The following ADCY10 variants were observed in gnomAD, a reference collection of about 807,000 sequenced individuals.
ADCY10 encodes the protein adenylate cyclase 10, also known as adenylate cyclase type 10.
ADCY10 carries 156 observed loss-of-function variants against 183.3 expected under a neutral mutation model. The observed-to-expected ratio is 0.85, with a 90% CI of 0.75 to 0.97. The LOEUF is 0.97. ADCY10 is among the 50% of genes least tolerant of loss of function. The pLI, the probability that ADCY10 is intolerant of heterozygous loss-of-function variation, is 0.00. For missense variants in ADCY10, 1,745 were observed against 1,934.3 expected (o/e 0.90, Z 1.84); for synonymous variants, 645 against 670.0 (o/e 0.96, Z 0.58).
At chr1:167,854,230 C>T in intron 18 of ADCY10, 123 bp downstream of exon 18, 1 of 1,212,230 alleles carries the variant, frequency 8.2e-7, no homozygotes. Context: ...ATTCCTGGCT[C>T]CCCAGAACCT....
chr1:167,879,147 C>G (rs1380164452), intron 11 of ADCY10, among the ~76,000 whole-genome samples: 1 of 152,190 alleles, frequency 6.6e-6, no homozygotes, highest in Non-Finnish European at 1.5e-5. Context: ...GCAGACTGTG[C>G]AGGGTTGAAC....
intron 25 of ADCY10, among the ~76,000 whole-genome samples, chr1:167,831,993 A>G (rs956439345): frequency 6.6e-6 from 1 of 152,140 alleles, no homozygotes; most frequent in Non-Finnish European, 1.5e-5. Context: ...TCCAACGTGC[A>G]CAGGAGCTCA....
chr1:167,886,038 A>C (rs1170066668), intron 8 of ADCY10, among the ~76,000 whole-genome samples: 1 of 152,202 alleles, frequency 6.6e-6, no homozygotes, highest in Non-Finnish European at 1.5e-5. Context: ...CTGCTCAACG[A>C]AGTAAAAGAG....
At chr1:167,827,253 C>CG (rs1663363696) in intron 26 of ADCY10, among the ~76,000 whole-genome samples, 1 of 151,698 alleles carries the variant, frequency 6.6e-6, no homozygotes, top group East Asian at 1.9e-4. Flanking sequence ...CTGCAAGCTC[C>CG]ACCTCCTGGG....
chr1:167,868,135 G>T (rs2102124810), intron 14 of ADCY10, among the ~76,000 whole-genome samples: 1 of 152,256 alleles, frequency 6.6e-6, no homozygotes, highest in Middle Eastern at 3.4e-3. Flanking sequence ...AACTAAATGT[G>T]CCAGTACCAG....
Position 167,827,454 on chromosome 1 carries a change from C to T in ADCY10, c.3750+1813G>A, listed in dbSNP as rs116511648. ...GTGCTAGGATTACAGGCATAAGCCACCATGCCCGGCCTGCTGATTTAATGT... is the reference window on the plus strand; with the variant it reads ...GTGCTAGGATTACAGGCATAAGCCATCATGCCCGGCCTGCTGATTTAATGT... On this transcript the variant is annotated intron_variant, in intron 26 of 32. Coordinates refer to ENST00000367851, the MANE Select transcript of ADCY10 (RefSeq NM_018417.6). Among the ~76,000 whole-genome samples the T allele has an allele frequency of 7.4e-3, 1,124 of 151,874 alleles. 10 individuals carry two copies. The highest frequency in any genetic ancestry group is 0.026 in the African/African-American group (1,082 of 41,400).
At chr1:167,906,012 G>A (rs994511069) in intron 1 of ADCY10, among the ~76,000 whole-genome samples, 2 of 152,054 alleles carry the variant, frequency 1.3e-5, no homozygotes, top group Non-Finnish European at 2.9e-5. Flanking sequence ...AAATATAAGA[G>A]GATTTGTTTT....
intron 5 of ADCY10, among the ~76,000 whole-genome samples, chr1:167,900,756 T>C (rs959501437): frequency 6.6e-6 from 1 of 152,182 alleles, no homozygotes; most frequent in Admixed American, 6.5e-5. Flanking sequence ...GGTCTCAAAC[T>C]CCTGACCTCA....
chr1:167,879,975 C>A, intron 11 of ADCY10, 140 bp downstream of exon 11: 1 of 742,910 alleles, frequency 1.3e-6, no homozygotes, highest in East Asian at 2.7e-5. Flanking sequence ...GGCTCCATGG[C>A]TTGGCTCCAT....
In ADCY10 at chr1:167,818,248, A is replaced by G. The variant is rs1258061158; in HGVS notation, c.4306T>C (p.Trp1436Arg). 1 of 1,614,192 alleles carries G rather than the reference A, an allele frequency of 6.2e-7. No individual in the cohort carries two copies. The highest frequency in any genetic ancestry group is 1.6e-4 in the Middle Eastern group (1 of 6,062). ...TTGGAAAATTTGTAAAAGTTGTCCC[A>G]TTCCTGAAGTCTGGCATACCTGCAT... ...VAIWYARLQE[W>R]DNFYKFSNRA... Residue 1436 changes from tryptophan to arginine, a missense_variant, in exon 31 of 33, where the codon TGG becomes CGG. By Grantham distance (101) the Trp-to-Arg change is moderately radical. Transcript: ENST00000367851.
chr1:167,910,164 G>T (rs1670062040), intron 1 of ADCY10, among the ~76,000 whole-genome samples: 1 of 152,216 alleles, frequency 6.6e-6, no homozygotes, highest in South Asian at 2.1e-4. Flanking sequence ...AAGGGGTTTT[G>T]TCTGTGGCTC....
At chr1:167,899,804 AG>A (rs1207809482) in intron 5 of ADCY10, among the ~76,000 whole-genome samples, 176 bp from the exon 6 acceptor site, 1 of 152,150 alleles carries the variant, frequency 6.6e-6, no homozygotes, top group African/African-American at 2.4e-5. Context: ...GGCCTTCCAA[AG>A]CTCCCCTTCT....
At position 167,810,710 on chromosome 1, in the gene ADCY10, G is replaced by C. The variant is rs750665135; in HGVS notation, c.4671+15C>G. On this transcript the variant is annotated intron_variant, in intron 32 of 32. Transcript: ENST00000367851. ...TGAGCATCGCCACCCCGGTTTGCTA[G>C]CTGATGATACATACTTTGTTCATGT... The C allele has an allele frequency of 6.2e-7, 1 of 1,613,994 alleles. No individual in the cohort carries two copies.
intron 11 of ADCY10, among the ~76,000 whole-genome samples, chr1:167,878,920 G>GAC (rs1411665091): frequency 2.0e-5 from 3 of 152,172 alleles, no homozygotes; most frequent in Non-Finnish European, 2.9e-5. Context: ...TCTGTAAGTG[G>GAC]GATGGCCACA....
intron 17 of ADCY10, among the ~76,000 whole-genome samples, chr1:167,855,268 C>T (rs188312824): frequency 6.6e-5 from 10 of 152,186 alleles, no homozygotes; most frequent in East Asian, 1.9e-4. Context: ...TGCGGTGAGC[C>T]GAGATCGTGC....
chr1:167,822,000 T>C, intron 30 of ADCY10, 24 bp downstream of exon 30: 2 of 1,432,530 alleles, frequency 1.4e-6, no homozygotes, highest in South Asian at 1.1e-5. Flanking sequence ...TTTGGGAATT[T>C]AGTGATATGC....
At chr1:167,845,477 C>T in intron 21 of ADCY10, 86 bp downstream of exon 21, 1 of 1,443,512 alleles carries the variant, frequency 6.9e-7, no homozygotes, top group Non-Finnish European at 9.6e-7. Flanking sequence ...ACTTGAAGCC[C>T]TCAAGATCCA....
intron 11 of ADCY10, among the ~76,000 whole-genome samples, chr1:167,878,938 A>T (rs1667683835): frequency 6.6e-6 from 1 of 152,204 alleles, no homozygotes; most frequent in African/African-American, 2.4e-5. Context: ...ACAGCACTGA[A>T]GGCTCTCAGA....
chr1:167,886,617 C>T (rs191353245), intron 8 of ADCY10, among the ~76,000 whole-genome samples: 1 of 152,258 alleles, frequency 6.6e-6, no homozygotes, highest in East Asian at 1.9e-4. Context: ...TAGGCAATAC[C>T]ATTCAGTACA....
Sources: gnomAD v4.1 joint callset for allele counts (sites outside exome capture counted in the v4.1 genomes callset) on GRCh38, gnomAD v4.1.1 for gene constraint, MANE v1.5 for transcripts, NCBI Gene and HGNC (gene_info 2026-07-23, HGNC 2026-07-21) for gene names.